The following CFAP58 variants were observed in gnomAD, a reference collection of about 807,000 sequenced individuals.
CFAP58 encodes cilia- and flagella-associated protein 58.
CFAP58 carries 88 observed loss-of-function variants against 119.5 expected under a neutral mutation model. The observed-to-expected ratio is 0.74, with a 90% confidence interval of 0.62 to 0.88. The LOEUF (loss-of-function observed/expected upper bound fraction) is 0.88, where lower values mean the gene tolerates loss of function less well. Among genes scored for constraint, CFAP58 ranks in the 40% least tolerant of loss-of-function variants. CFAP58 has a pLI of 0.00. For synonymous variants in CFAP58, 365 were observed against 366.3 expected (o/e 1.00, Z 0.04); for missense variants, 990 against 1,021.2 (o/e 0.97, Z 0.42).
chr10:104,353,782 C>G, upstream of CFAP58: 2 of 1,323,690 alleles, frequency 1.5e-6, no homozygotes, highest in South Asian at 1.3e-5. Context: ...CGCGGGTTTC[C>G]GCTCGGGGCG....
chr10:104,358,507 G>C lies in CFAP58; in HGVS notation c.176G>C (p.Arg59Pro). 1 of 1,614,102 alleles carries C rather than the reference G, an allele frequency of 6.2e-7. No individual in the cohort carries two copies. Among genetic ancestry groups the C allele is most frequent in the Non-Finnish European group, 8.5e-7 (1 of 1,180,024 alleles). ...AAAAAGTCTTATGACAATGAAAAGCGTCTGATGGCCAAATGCAGAGAGCTA... is the reference window on the plus strand; with the variant it reads ...AAAAAGTCTTATGACAATGAAAAGCCTCTGATGGCCAAATGCAGAGAGCTA... Reference protein sequence around the residue: ...VMKKSYDNEKRLMAKCRELNA... With the variant: ...VMKKSYDNEKPLMAKCRELNA... The change falls in exon 2 of 18, where the codon CGT (arginine) becomes CCT (proline). Residue 59 changes from arginine to proline, a missense_variant. Physicochemically the swap from Arg to Pro is moderately radical, Grantham distance 103 (BLOSUM62 -2). Coordinates refer to ENST00000369704, the MANE Select transcript of CFAP58 (RefSeq NM_001008723.2).
upstream of CFAP58, chr10:104,351,958 A>T (rs1203204591): frequency 1.3e-5 from 2 of 152,228 alleles, no homozygotes; most frequent in East Asian, 3.8e-4. Context: ...AAAAAAGATC[A>T]ATAGAAAAAT....
rs117019032 is a variant in CFAP58 at position 104,384,581 on chromosome 10, T to A, written c.1365+4361T>A. Among the ~76,000 whole-genome samples the A allele has an allele frequency of 4.2e-3, 645 of 152,356 alleles. 2 individuals carry two copies. Among genetic ancestry groups the A allele is most frequent in the Non-Finnish European group, 7.2e-3 (489 of 68,036 alleles). On this transcript the variant is annotated intron_variant, in intron 9 of 17. Transcript: ENST00000369704. ...TGCTTCTATGGCAAGAACTTTAGGT[T>A]GAACTCTTTGAAATAGCCTTTTTGT...
At chr10:104,369,927 G>T (rs1019603362) in intron 6 of CFAP58, among the ~76,000 whole-genome samples, 1 of 152,164 alleles carries the variant, frequency 6.6e-6, no homozygotes, top group African/African-American at 2.4e-5. Flanking sequence ...GAAGTCTTTA[G>T]ACAAAAATCG....
At chr10:104,392,141 C>G in intron 9 of CFAP58, 92 bp from the exon 10 acceptor site, 1 of 1,119,518 alleles carries the variant, frequency 8.9e-7, no homozygotes, top group Non-Finnish European at 1.3e-6. Flanking sequence ...GCATCTCTAC[C>G]AGCCACCCTT....
intron 7 of CFAP58, among the ~76,000 whole-genome samples, chr10:104,372,208 C>A (rs2014833547): frequency 6.6e-6 from 1 of 152,066 alleles, no homozygotes. Context: ...CAAAAATTAG[C>A]TGGGCATGGT....
chr10:104,395,736 AG>A (rs762847116), intron 11 of CFAP58, among the ~76,000 whole-genome samples: 4 of 152,222 alleles, frequency 2.6e-5, no homozygotes, highest in Non-Finnish European at 5.9e-5. Context: ...CAGATTTTCT[AG>A]TAACTTTGCT....
upstream of CFAP58, chr10:104,351,803 A>G (rs1433418204): frequency 5.3e-5 from 8 of 152,188 alleles, no homozygotes; most frequent in Non-Finnish European, 1.2e-4. Flanking sequence ...TATATAAAAA[A>G]TATAGGGAAA....
chr10:104,440,231 G>C (rs1000788929), intron 15 of CFAP58, among the ~76,000 whole-genome samples: 26 of 152,044 alleles, frequency 1.7e-4, no homozygotes, highest in Non-Finnish European at 3.2e-4. Context: ...ATAGGTCCTT[G>C]TTTAGCTCCT....
At chr10:104,354,017 T>C in intron 1 of CFAP58, 111 bp downstream of exon 1, 5 of 1,359,752 alleles carry the variant, frequency 3.7e-6, no homozygotes, top group Non-Finnish European at 4.2e-6. Context: ...CATCAACATC[T>C]TATTCCCCTG....
At chr10:104,400,622 C>T (rs2012243883) in intron 12 of CFAP58, 58 bp from the exon 13 acceptor site, 2 of 1,364,194 alleles carry the variant, frequency 1.5e-6, no homozygotes, top group East Asian at 2.3e-5. Flanking sequence ...GGTGCTGTCA[C>T]AGTGAAAAGC....
chr10:104,404,202 G>A (rs1326486166), intron 14 of CFAP58, among the ~76,000 whole-genome samples: 2 of 152,148 alleles, frequency 1.3e-5, no homozygotes, highest in African/African-American at 4.8e-5. Flanking sequence ...TTGGTCACCA[G>A]CATCTCCACC....
At chr10:104,439,294 T>G (rs2012994584) in intron 15 of CFAP58, among the ~76,000 whole-genome samples, 1 of 152,186 alleles carries the variant, frequency 6.6e-6, no homozygotes, top group East Asian at 1.9e-4. Context: ...TTTTCTTTTG[T>G]ATGATTTTTA....
At chr10:104,387,036 A>G (rs1439011339) in intron 9 of CFAP58, among the ~76,000 whole-genome samples, 1 of 152,204 alleles carries the variant, frequency 6.6e-6, no homozygotes, top group Non-Finnish European at 1.5e-5. Flanking sequence ...AAACTTCTAC[A>G]TTATATTGTA....
the CFAP58 span, among the ~76,000 whole-genome samples, chr10:104,339,134 C>T: frequency 6.6e-6 from 1 of 152,180 alleles, no homozygotes; most frequent in Non-Finnish European, 1.5e-5. Flanking sequence ...TCTCGAACTC[C>T]CTTCTCGGCC....
chr10:104,403,690 G>C (rs962689219), intron 13 of CFAP58, 39 bp from the exon 14 acceptor site: 2 of 1,366,680 alleles, frequency 1.5e-6, no homozygotes, highest in South Asian at 2.5e-5. Flanking sequence ...ATTCAAACGG[G>C]TGGATAATTC....
chr10:104,407,351 G>A (rs529647448), intron 15 of CFAP58, among the ~76,000 whole-genome samples: 33 of 152,322 alleles, frequency 2.2e-4, no homozygotes, highest in Non-Finnish European at 4.0e-4. Flanking sequence ...CTGCATGCCA[G>A]ATATGCTGGT....
intron 6 of CFAP58, among the ~76,000 whole-genome samples, chr10:104,369,367 A>G (rs185543161): frequency 2.5e-4 from 38 of 152,334 alleles, no homozygotes; most frequent in African/African-American, 9.1e-4. Flanking sequence ...CATCCCAGAA[A>G]TAGGAGAGGT....
intron 15 of CFAP58, among the ~76,000 whole-genome samples, chr10:104,418,284 C>T (rs1589929182): frequency 2.0e-5 from 3 of 152,304 alleles, no homozygotes; most frequent in Admixed American, 2.0e-4. Context: ...TGCGGTGGCT[C>T]ACGCCTGTAA....
Sources: gnomAD v4.1 joint callset for allele counts (sites outside exome capture counted in the v4.1 genomes callset) on GRCh38, gnomAD v4.1.1 for gene constraint, MANE v1.5 for transcripts, NCBI Gene and HGNC (gene_info 2026-07-23, HGNC 2026-07-21) for gene names.